The following ELMO1 variants were observed in gnomAD, a reference collection of about 807,000 sequenced individuals.
ELMO1 encodes the protein engulfment and cell motility 1, also known as engulfment and cell motility protein 1.
Under a neutral mutation model 98.9 loss-of-function variants are expected in ELMO1, and 26 were observed. The ratio of observed to expected loss-of-function variants is 0.26; its 90% confidence interval spans 0.19 to 0.36. The LOEUF (loss-of-function observed/expected upper bound fraction) is 0.36, where lower values mean the gene tolerates loss of function less well. ELMO1 is among the 10% of genes least tolerant of loss of function. The probability of loss-of-function intolerance (pLI) is 1.00; values close to 1 mark genes in which losing one functional copy is unlikely to be tolerated. For missense variants in ELMO1, 627 were observed against 935.2 expected, an observed-to-expected ratio of 0.67 and a Z score of 4.30; for synonymous variants, 346 against 346.0, an observed-to-expected ratio of 1.00 and a Z score of 0.00.
intron 16 of ELMO1, among the ~76,000 whole-genome samples, chr7:36,973,397 T>C (rs1364659412): frequency 2.0e-5 from 3 of 152,224 alleles, no homozygotes; most frequent in Non-Finnish European, 4.4e-5. Flanking sequence ...TAGGGCCCTA[T>C]GTCTCTATCA....
chr7:36,983,449 C>A (rs1319562177), intron 16 of ELMO1, among the ~76,000 whole-genome samples: 1 of 152,178 alleles, frequency 6.6e-6, no homozygotes, highest in East Asian at 1.9e-4. Context: ...GCTGATGAAA[C>A]CATCTTCCCC....
chr7:37,091,612 C>A (rs1367371030), intron 15 of ELMO1, among the ~76,000 whole-genome samples: 1 of 152,154 alleles, frequency 6.6e-6, no homozygotes, highest in Non-Finnish European at 1.5e-5. Flanking sequence ...ACCCTGCACA[C>A]ACAGGGTCAG....
At chr7:37,285,801 C>T (rs1053878716) in intron 4 of ELMO1, among the ~76,000 whole-genome samples, 5 of 152,252 alleles carry the variant, frequency 3.3e-5, no homozygotes, top group East Asian at 3.9e-4. Context: ...GGGACCTGTA[C>T]GAGTTGAGCG....
chr7:36,995,997 T>C (rs1792184584), intron 16 of ELMO1, among the ~76,000 whole-genome samples: 1 of 152,088 alleles, frequency 6.6e-6, no homozygotes, highest in African/African-American at 2.4e-5. Flanking sequence ...CCAGCGTGGT[T>C]TGGGAAGGGA....
chr7:37,171,821 A>G (rs1253471083), intron 13 of ELMO1, among the ~76,000 whole-genome samples: 5 of 152,086 alleles, frequency 3.3e-5, no homozygotes, highest in African/African-American at 1.2e-4. Flanking sequence ...TTTTAGACTG[A>G]TGGGAAGCAA....
intron 4 of ELMO1, among the ~76,000 whole-genome samples, chr7:37,285,707 A>G (rs1240327868): frequency 6.6e-6 from 1 of 152,156 alleles, no homozygotes; most frequent in African/African-American, 2.4e-5. Flanking sequence ...AAAATGCCTA[A>G]TATTATGGGT....
At chr7:37,107,507 T>C (rs1206544476) in intron 14 of ELMO1, among the ~76,000 whole-genome samples, 4 of 152,236 alleles carry the variant, frequency 2.6e-5, no homozygotes, top group African/African-American at 9.6e-5. Flanking sequence ...CTATGCATCT[T>C]GGGCAGTATT....
At chr7:37,258,210 G>T (rs1485445087) in intron 6 of ELMO1, among the ~76,000 whole-genome samples, 5 of 152,102 alleles carry the variant, frequency 3.3e-5, no homozygotes. Flanking sequence ...AGAGCTTGCA[G>T]TGAACCGAGA....
intron 4 of ELMO1, among the ~76,000 whole-genome samples, chr7:37,291,060 A>C (rs897312212): frequency 4.6e-5 from 7 of 152,240 alleles, no homozygotes; most frequent in African/African-American, 1.7e-4. Flanking sequence ...AAACCCCTAT[A>C]TTCACAAAAC....
At chr7:37,084,949 G>A (rs891928989) in intron 15 of ELMO1, among the ~76,000 whole-genome samples, 1 of 151,964 alleles carries the variant, frequency 6.6e-6, no homozygotes, top group Non-Finnish European at 1.5e-5. Flanking sequence ...AGAGACGAGG[G>A]TTTCACTATG....
intron 15 of ELMO1, among the ~76,000 whole-genome samples, chr7:37,047,526 T>C (rs574035870): frequency 6.6e-4 from 101 of 152,360 alleles, no homozygotes; most frequent in African/African-American, 2.3e-3. Context: ...CTGTTCCCCA[T>C]AGAATCAATA....
At chr7:36,887,966 C>T (rs1390943635) in intron 17 of ELMO1, among the ~76,000 whole-genome samples, 1 of 152,150 alleles carries the variant, frequency 6.6e-6, no homozygotes, top group Non-Finnish European at 1.5e-5. Context: ...TTTTACAAAG[C>T]CACGGATACA....
intron 4 of ELMO1, among the ~76,000 whole-genome samples, chr7:37,298,306 T>G (rs1303969566): frequency 0.12 from 633 of 5,498 alleles, 5 homozygotes; most frequent in African/African-American, 0.21. Context: ...TTTTAAGAGT[T>G]TTTTTTTTTA....
chr7:36,911,121 A>C (rs1439408945), intron 16 of ELMO1, among the ~76,000 whole-genome samples: 1 of 152,156 alleles, frequency 6.6e-6, no homozygotes, highest in Non-Finnish European at 1.5e-5. Flanking sequence ...GCTGTGGAGA[A>C]AGGGATCTAT....
At chr7:37,267,443 C>T (rs752683014) in intron 5 of ELMO1, among the ~76,000 whole-genome samples, 56 of 152,206 alleles carry the variant, frequency 3.7e-4, no homozygotes, top group South Asian at 4.1e-4. Flanking sequence ...TGCTTGGGCG[C>T]GCGCACGCGT....
chr7:36,856,831 T>A lies in ELMO1; in HGVS notation c.1984-1080A>T, dbSNP rs76208075. On this transcript the variant is annotated intron_variant, in intron 21 of 21. Coordinates refer to ENST00000310758, the MANE Select transcript of ELMO1 (RefSeq NM_014800.11). ...GATTCTATAACAGCAATTGTTCTCC[T>A]CTTCTGTTGAAGTGGTCTTCCTTCT... Among the ~76,000 whole-genome samples, 101 of 152,362 alleles carry A rather than the reference T, an allele frequency of 6.6e-4. 2 individuals are homozygous for A. The highest frequency in any genetic ancestry group is 2.4e-3 in the African/African-American group (98 of 41,590).
In ELMO1 at chr7:37,121,891, A is replaced by T. The variant is rs547601111; in HGVS notation, c.1191+11239T>A. Among the ~76,000 whole-genome samples, 280 of 152,252 alleles carry T rather than the reference A, an allele frequency of 1.8e-3. 1 individual carries two copies. The South Asian group carries it at 0.021, about 11-fold the overall frequency. On this transcript the variant is annotated intron_variant, in intron 14 of 21. Coordinates refer to ENST00000310758, the MANE Select transcript of ELMO1 (RefSeq NM_014800.11). ...TGTTAAGGGCAGCCAGAGAGAAAGG[A>T]CGGGTTACCCACAAAGGGAAGCCCA...
intron 15 of ELMO1, among the ~76,000 whole-genome samples, chr7:37,094,966 A>G (rs974000724): frequency 2.0e-5 from 3 of 152,194 alleles, no homozygotes; most frequent in Non-Finnish European, 4.4e-5. Flanking sequence ...CAGGACAGAC[A>G]TATGTCCCTT....
intron 13 of ELMO1, among the ~76,000 whole-genome samples, chr7:37,150,339 A>G (rs1197028131): frequency 6.6e-6 from 1 of 151,644 alleles, no homozygotes; most frequent in Admixed American, 6.6e-5. Flanking sequence ...AGATTAACAG[A>G]CTGAGACAAA....
Sources: allele counts gnomAD v4.1 joint callset (sites outside exome capture counted in the v4.1 genomes callset), GRCh38; gene constraint gnomAD v4.1.1; transcripts MANE v1.5; gene names NCBI Gene and HGNC (gene_info 2026-07-23, HGNC 2026-07-21).